The following AGAP1 variants were observed in gnomAD, a reference collection of about 807,000 sequenced individuals.
The protein encoded by AGAP1 is arf-GAP with GTPase, ANK repeat and PH domain-containing protein 1.
A neutral mutation model predicts 105.3 loss-of-function variants in AGAP1; 29 were observed. The ratio of observed to expected loss-of-function variants is 0.28; its 90% CI spans 0.21 to 0.38. The LOEUF (loss-of-function observed/expected upper bound fraction) is 0.38, where lower values mean the gene tolerates loss of function less well. Ranked by LOEUF, AGAP1 falls within the 10% of genes least tolerant of loss-of-function variation. The pLI, the probability that AGAP1 is intolerant of heterozygous loss-of-function variation, is 1.00. For synonymous variants in AGAP1, 509 were observed against 485.9 expected (o/e 1.05, Z -0.63); for missense variants, 998 against 1,165.1 (o/e 0.86, Z 2.09).
intron 8 of AGAP1, among the ~76,000 whole-genome samples, chr2:235,805,089 T>C (rs1957770778): frequency 6.6e-6 from 1 of 152,248 alleles, no homozygotes; most frequent in Non-Finnish European, 1.5e-5. Flanking sequence ...ACAAACTAAT[T>C]GTGGGGCTGA....
At chr2:235,505,597 A>G (rs560542112) in intron 1 of AGAP1, among the ~76,000 whole-genome samples, 5 of 152,228 alleles carry the variant, frequency 3.3e-5, no homozygotes, top group South Asian at 2.1e-4. Flanking sequence ...TGGGACACTC[A>G]GGGCCCTTCA....
intron 10 of AGAP1, among the ~76,000 whole-genome samples, chr2:235,902,788 G>A (rs933455376): frequency 4.6e-5 from 7 of 152,244 alleles, no homozygotes; most frequent in East Asian, 1.9e-4. Context: ...ATCACCCTCC[G>A]GTAGCCAGCA....
chr2:235,717,627 A>G lies in AGAP1; in HGVS notation c.293A>G (p.Gln98Arg), dbSNP rs751605199. 6.2e-7 allele frequency: 1 copy of G among 1,603,558 alleles called. No homozygotes were observed. The highest frequency in any genetic ancestry group is 1.1e-5 in the South Asian group (1 of 88,124). ...CGGTACCTGACGGGCACATATGTCCAGGAGGAGTCTCCGGAAGGTATGCTG... is the reference window on the plus strand; with the variant it reads ...CGGTACCTGACGGGCACATATGTCCGGGAGGAGTCTCCGGAAGGTATGCTG... ...VHRYLTGTYV[Q>R]EESPEGGRFK... is the part of the protein sequence containing the mutation. Residue 98 changes from glutamine to arginine, a missense_variant, in exon 3 of 18, where the codon CAG (glutamine) becomes CGG (arginine). Gln to Arg is a conservative substitution (Grantham distance 43). Coordinates refer to ENST00000304032, the MANE Select transcript of AGAP1 (RefSeq NM_001037131.3).
intron 13 of AGAP1, among the ~76,000 whole-genome samples, chr2:235,972,354 G>A (rs146931360): frequency 6.6e-6 from 1 of 152,238 alleles, no homozygotes; most frequent in East Asian, 1.9e-4. Context: ...AATTTATCAG[G>A]GTCCTTTGAA....
At chr2:235,686,308 C>T (rs1949377344) in intron 1 of AGAP1, among the ~76,000 whole-genome samples, 1 of 151,902 alleles carries the variant, frequency 6.6e-6, no homozygotes, top group Non-Finnish European at 1.5e-5. Flanking sequence ...GAACACTTTG[C>T]CATGGTGGAT....
chr2:236,111,260 G>T (rs922538345), intron 16 of AGAP1, among the ~76,000 whole-genome samples: 5 of 152,138 alleles, frequency 3.3e-5, no homozygotes, highest in Admixed American at 3.3e-4. Context: ...GCTGAGCGTG[G>T]TAGTGCATGC....
intron 1 of AGAP1, among the ~76,000 whole-genome samples, chr2:235,558,822 G>T (rs141413355): frequency 2.0e-4 from 31 of 152,300 alleles, no homozygotes; most frequent in Non-Finnish European, 4.0e-4. Context: ...AGGTACTGTG[G>T]GTAGAAGGAG....
At position 235,977,327 on chromosome 2, in the gene AGAP1, A is replaced by G. The variant is rs941967992; in HGVS notation, c.1645+8704A>G. On this transcript the variant is annotated intron_variant, in intron 13 of 17. Transcript: ENST00000304032. The surrounding 1 kb of genome is among the most constrained non-coding windows in gnomAD (Gnocchi z 5.2). ...ATGTCATTTAAGTCTCGGTGAAATT[A>G]TGGTCCACTTGGACCAAGGTCCTGA... is the stretch of plus-strand genomic sequence containing the variant. 2.6e-5 allele frequency among the ~76,000 whole-genome samples: 4 copies of G among 151,960 alleles called. No individual in the cohort carries two copies. The highest frequency in any genetic ancestry group is 9.7e-5 in the African/African-American group (4 of 41,364).
In AGAP1 at chr2:235,625,262, C is replaced by T. The variant is rs1946602557; in HGVS notation, c.164-83917C>T. Among the ~76,000 whole-genome samples, 1 of 152,184 alleles carries T rather than the reference C, an allele frequency of 6.6e-6. No individual in the cohort carries two copies. Among genetic ancestry groups the T allele is most frequent in the Admixed American group, 6.5e-5 (1 of 15,272 alleles). On this transcript the variant is annotated intron_variant, in intron 1 of 17. Coordinates refer to ENST00000304032, the MANE Select transcript of AGAP1 (RefSeq NM_001037131.3). This position sits in a 1 kb window ranked among gnomAD's most constrained non-coding sequence, Gnocchi z 4.0. ...GCCTGAACTGCTTCAGGGCACCCTA[C>T]AGGTCACTCAGGCCTCCAACTCTGG... is the stretch of plus-strand genomic sequence containing the variant.
intron 12 of AGAP1, among the ~76,000 whole-genome samples, chr2:235,946,666 GC>G (rs2053514930): frequency 6.6e-6 from 1 of 152,154 alleles, no homozygotes; most frequent in African/African-American, 2.4e-5. Context: ...GGGACTGGGG[GC>G]CCCTCCAAGG....
At position 235,731,673 on chromosome 2, in the gene AGAP1, A is replaced by C. The variant is rs1045638510; in HGVS notation, c.311-9290A>C. Among the ~76,000 whole-genome samples the C allele has an allele frequency of 2.6e-5, 4 of 152,168 alleles. No homozygotes were observed. In the South Asian group the frequency reaches 6.2e-4, roughly 24 times the overall value. ...GGTATAGTCATCATCGTAATGTAGC[A>C]GTCATTCGTTAATTTTTATGAGCCA... On this transcript the variant is annotated intron_variant, in intron 3 of 17. Transcript: ENST00000304032.
chr2:235,749,980 G>C (rs1953296839), intron 5 of AGAP1, among the ~76,000 whole-genome samples: 1 of 152,224 alleles, frequency 6.6e-6, no homozygotes, highest in East Asian at 1.9e-4. Context: ...AAGAATGCCA[G>C]TGTAGGGAGT....
At chr2:235,890,968 C>A (rs1411769772) in intron 10 of AGAP1, among the ~76,000 whole-genome samples, 4 of 126,680 alleles carry the variant, frequency 3.2e-5, no homozygotes, top group Admixed American at 3.1e-4. Context: ...TCAGTTAATT[C>A]ATCTTTCTTT....
intron 3 of AGAP1, among the ~76,000 whole-genome samples, chr2:235,718,827 CT>C (rs1200386740): frequency 6.6e-6 from 1 of 152,098 alleles, no homozygotes; most frequent in African/African-American, 2.4e-5. Context: ...GAAAGCTTGC[CT>C]GTTCACTGAG....
intron 5 of AGAP1, among the ~76,000 whole-genome samples, chr2:235,746,420 C>T (rs1247734968): frequency 1.4e-5 from 1 of 73,352 alleles, no homozygotes; most frequent in Admixed American, 1.6e-4. Context: ...TTAAAGCGTA[C>T]GTGGTCGCTC....
chr2:235,744,548 G>A lies in AGAP1; in HGVS notation c.397-150G>A. 1.1e-6 allele frequency: 1 copy of A among 902,360 alleles called. No homozygotes were observed. The allele number at this position is 902,360 out of a possible 1,614,324, so 55.9% of individuals were successfully genotyped here. On this transcript the variant is annotated intron_variant, in intron 4 of 17. Coordinates refer to ENST00000304032, the MANE Select transcript of AGAP1 (RefSeq NM_001037131.3). This position sits in a 1 kb window ranked among gnomAD's most constrained non-coding sequence, Gnocchi z 5.2. ...AGGAGGACGTGGATGCCGTGACAGT[G>A]TGTAAAAGTGACAGTCAAAAGTCAA...
rs1201112816 is a variant in AGAP1 at position 235,642,776 on chromosome 2, A to G, written c.164-66403A>G. Among the ~76,000 whole-genome samples, 4 of 152,224 alleles carry G rather than the reference A, an allele frequency of 2.6e-5. No homozygotes were observed. Among genetic ancestry groups the G allele is most frequent in the African/African-American group, 4.8e-5 (2 of 41,462 alleles). The stretch of plus-strand genomic sequence containing the variant: ...ATTCTTGCTTTTAGAAGGAGGGGGG[A>G]AAATAGAGAAGTAGTTATCTCATTG... On this transcript the variant is annotated intron_variant, in intron 1 of 17. Coordinates refer to ENST00000304032, the MANE Select transcript of AGAP1 (RefSeq NM_001037131.3). This position sits in a 1 kb window ranked among gnomAD's most constrained non-coding sequence, Gnocchi z 4.1.
rs1327750808 is a variant in AGAP1, at chr2:235,557,105, C to T, written c.163+62256C>T. Reference sequence around the variant, plus strand: ...TGGGTCCTGGGGTGAGCTCTGGAGCCCGTGGGTCTGGTTGTCTTGCTGACC... The same window carrying T: ...TGGGTCCTGGGGTGAGCTCTGGAGCTCGTGGGTCTGGTTGTCTTGCTGACC... On this transcript the variant is annotated intron_variant, in intron 1 of 17. Coordinates refer to ENST00000304032, the MANE Select transcript of AGAP1 (RefSeq NM_001037131.3). The surrounding 1 kb of genome is among the most constrained non-coding windows in gnomAD (Gnocchi z 4.7). 1.3e-5 allele frequency among the ~76,000 whole-genome samples: 2 copies of T among 152,108 alleles called. No individual in the cohort carries two copies. Among genetic ancestry groups the T allele is most frequent in the African/African-American group, 4.8e-5 (2 of 41,422 alleles).
At chr2:236,006,663 C>T (rs114396837) in intron 13 of AGAP1, among the ~76,000 whole-genome samples, 110 of 152,236 alleles carry the variant, frequency 7.2e-4, no homozygotes, top group African/African-American at 2.5e-3. Context: ...TAATACTTTA[C>T]ATTAAAAAGT....
Sources: gnomAD v4.1 joint callset for allele counts (sites outside exome capture counted in the v4.1 genomes callset) on GRCh38, gnomAD v4.1.1 for gene constraint, Gnocchi (gnomAD v3.1) non-coding constraint, MANE v1.5 for transcripts, NCBI Gene and HGNC (gene_info 2026-07-23, HGNC 2026-07-21) for gene names.